The following PPFIA2 variants were observed in gnomAD, a reference collection of about 807,000 sequenced individuals.
The protein encoded by PPFIA2 is PPFI scaffold protein A2, also known as liprin-alpha-2.
In PPFIA2, 46 loss-of-function variants were observed where a neutral mutation model predicts 175.5. The observed-to-expected ratio is 0.26, with a 90% CI of 0.21 to 0.34. PPFIA2 has a LOEUF of 0.34. Ranked by LOEUF, PPFIA2 falls within the 10% of genes least tolerant of loss-of-function variation. The probability of loss-of-function intolerance (pLI) is 1.00; values close to 1 mark genes in which losing one functional copy is unlikely to be tolerated. For missense variants in PPFIA2, 1,179 were observed against 1,506.1 expected (o/e 0.78, Z 3.60); for synonymous variants, 568 against 511.4 (o/e 1.11, Z -1.49).
At chr12:81,628,888 C>T (rs2063036830) in intron 4 of PPFIA2, among the ~76,000 whole-genome samples, 1 of 152,068 alleles carries the variant, frequency 6.6e-6, no homozygotes, top group African/African-American at 2.4e-5. Context: ...CAAAGGGATC[C>T]AATTGCACAT....
At chr12:81,364,802 T>C (rs1453020425) in intron 14 of PPFIA2, among the ~76,000 whole-genome samples, 1 of 151,796 alleles carries the variant, frequency 6.6e-6, no homozygotes, top group Non-Finnish European at 1.5e-5. Flanking sequence ...TTGGACTAGA[T>C]GTGGGATATG....
intron 4 of PPFIA2, among the ~76,000 whole-genome samples, chr12:81,559,018 C>T (rs1359586207): frequency 6.6e-6 from 1 of 152,132 alleles, no homozygotes; most frequent in Non-Finnish European, 1.5e-5. Flanking sequence ...TTCTTAAATT[C>T]ATTTCAGAGT....
chr12:81,286,768 G>A (rs2043535526), intron 24 of PPFIA2, among the ~76,000 whole-genome samples: 1 of 151,838 alleles, frequency 6.6e-6, no homozygotes, highest in South Asian at 2.1e-4. Context: ...AAATTCCACA[G>A]GCTAGACATC....
intron 4 of PPFIA2, among the ~76,000 whole-genome samples, chr12:81,599,734 C>T (rs1266589482): frequency 6.6e-6 from 1 of 151,908 alleles, no homozygotes; most frequent in Non-Finnish European, 1.5e-5. Context: ...ATTCAGGATA[C>T]CATATTTACT....
At chr12:81,351,771 G>T (rs571408795) in intron 17 of PPFIA2, among the ~76,000 whole-genome samples, 2 of 151,556 alleles carry the variant, frequency 1.3e-5, no homozygotes, top group South Asian at 4.2e-4. Context: ...CAGGCATGGT[G>T]GCACATGCCT....
chr12:81,607,439 G>A (rs11114933), intron 4 of PPFIA2, among the ~76,000 whole-genome samples: 4,195 of 152,100 alleles, frequency 0.028, 70 homozygotes, highest in East Asian at 0.078. Context: ...AGAATGGAAT[G>A]TTTTTTCCAT....
chr12:81,374,604 C>G (rs2035935893), intron 11 of PPFIA2, 30 bp downstream of exon 11: 1 of 1,571,740 alleles, frequency 6.4e-7, no homozygotes, highest in Non-Finnish European at 8.6e-7. Context: ...ACAAATATAT[C>G]TAGGTTGACC....
In PPFIA2 at chr12:81,344,740, T is replaced by C. The variant is rs756275858; in HGVS notation, c.2233-47A>G. 8 of 1,395,538 alleles carry C rather than the reference T, an allele frequency of 5.7e-6. No homozygotes were observed. In the South Asian group the frequency reaches 1.1e-4, roughly 19 times the overall value. The allele number at this position is 1,395,538 out of a possible 1,614,324, so 86.4% of individuals were successfully genotyped here. ...ACATAAAACACAATTAATTAAGAAT[T>C]AACAATCATTTGACCAAGTTACAAT... On this transcript the variant is annotated intron_variant, in intron 18 of 32. Coordinates refer to ENST00000549396, the MANE Select transcript of PPFIA2 (RefSeq NM_003625.5).
At chr12:81,478,635 T>C (rs1018337891) in intron 4 of PPFIA2, among the ~76,000 whole-genome samples, 2 of 152,214 alleles carry the variant, frequency 1.3e-5, no homozygotes, top group African/African-American at 4.8e-5. Flanking sequence ...CTTATTGGTT[T>C]CAAAGAACTT....
intron 4 of PPFIA2, among the ~76,000 whole-genome samples, chr12:81,530,518 G>C (rs960444050): frequency 6.6e-6 from 1 of 152,008 alleles, no homozygotes; most frequent in Admixed American, 6.6e-5. Flanking sequence ...AGATGCAGTA[G>C]AGCAACTTTT....
At chr12:81,477,246 A>G (rs11114878) in intron 4 of PPFIA2, among the ~76,000 whole-genome samples, 27,697 of 152,030 alleles carry the variant, frequency 0.18, 2,714 homozygotes, top group Middle Eastern at 0.22. Context: ...AAGGAAATTT[A>G]GTCTGAAGAA....
At chr12:81,606,149 T>C (rs1238357111) in intron 4 of PPFIA2, among the ~76,000 whole-genome samples, 2 of 151,998 alleles carry the variant, frequency 1.3e-5, no homozygotes, top group Non-Finnish European at 2.9e-5. Context: ...AGGACAAGAT[T>C]AATTATTTTT....
intron 4 of PPFIA2, among the ~76,000 whole-genome samples, chr12:81,581,651 T>C (rs2074416662): frequency 6.6e-6 from 1 of 151,690 alleles, no homozygotes; most frequent in African/African-American, 2.4e-5. Flanking sequence ...CATGTTTCAC[T>C]TCCTTGCCGT....
In PPFIA2 at chr12:81,754,131, A is replaced by C. The variant is rs765286901; in HGVS notation, c.91T>G (p.Phe31Val). 1 of 1,613,758 alleles carries C rather than the reference A, an allele frequency of 6.2e-7. No individual in the cohort carries two copies. Among genetic ancestry groups the C allele is most frequent in the South Asian group, 1.1e-5 (1 of 90,998 alleles). The change falls in exon 3 of 33, where the codon TTT becomes GTT. Residue 31 changes from phenylalanine to valine, a missense_variant. Physicochemically the swap from Phe to Val is conservative, Grantham distance 50. This residue lies in a region of PPFIA2 where 128 missense variants were observed against 141.4 expected (regional missense o/e 0.91). Coordinates refer to ENST00000549396, the MANE Select transcript of PPFIA2 (RefSeq NM_003625.5). ...AGCATATTCACCATCAGCTGCTCAAAATGGGAGTCTGAGTCCGAGCCACTG... is the reference window on the plus strand; with the variant it reads ...AGCATATTCACCATCAGCTGCTCAACATGGGAGTCTGAGTCCGAGCCACTG... ...QSSGSDSDSH[F>V]EQLMVNMLDE... is the part of the protein sequence containing the mutation.
At chr12:81,560,238 GTA>G (rs1395750491) in intron 4 of PPFIA2, among the ~76,000 whole-genome samples, 2 of 151,854 alleles carry the variant, frequency 1.3e-5, no homozygotes, top group South Asian at 2.1e-4. Context: ...GTGGTGGGGG[GTA>G]TGTGTGTGTG....
chr12:81,589,286 A>G (rs1171904290), intron 4 of PPFIA2, among the ~76,000 whole-genome samples: 2 of 152,076 alleles, frequency 1.3e-5, no homozygotes, highest in Non-Finnish European at 2.9e-5. Flanking sequence ...AAGGCTACTC[A>G]TTGATTTCTA....
chr12:81,494,421 A>G lies in PPFIA2; in HGVS notation c.304-36555T>C, dbSNP rs533965422. Among the ~76,000 whole-genome samples, 585 of 152,244 alleles carry G rather than the reference A, an allele frequency of 3.8e-3. 3 individuals carry two copies. Among genetic ancestry groups the G allele is most frequent in the African/African-American group, 0.013 (533 of 41,546 alleles). ...ATCATCTCACACCAGTTAGAATGGC[A>G]ATCATTAAAAAGTCAGGAAACAACA... On this transcript the variant is annotated intron_variant, in intron 4 of 32. Coordinates refer to ENST00000549396, the MANE Select transcript of PPFIA2 (RefSeq NM_003625.5).
chr12:81,280,785 A>T (rs1368611798), intron 27 of PPFIA2, among the ~76,000 whole-genome samples: 1 of 152,126 alleles, frequency 6.6e-6, no homozygotes. Flanking sequence ...TCATAAAAAG[A>T]CATAGAAAAA....
At chr12:81,503,328 C>T (rs2060793568) in intron 4 of PPFIA2, among the ~76,000 whole-genome samples, 1 of 151,886 alleles carries the variant, frequency 6.6e-6, no homozygotes, top group Non-Finnish European at 1.5e-5. Flanking sequence ...TCCACGCTGT[C>T]CAAAAAAACA....
Sources: allele counts gnomAD v4.1 joint callset (sites outside exome capture counted in the v4.1 genomes callset), GRCh38; gene constraint gnomAD v4.1.1; regional missense constraint gnomAD v4.1.1; transcripts MANE v1.5; gene names NCBI Gene and HGNC (gene_info 2026-07-23, HGNC 2026-07-21).